The following ZNF568 variants were observed in gnomAD, a reference collection of about 807,000 sequenced individuals.
ZNF568 encodes zinc finger protein 568, also known as p53 inhibitor of SCO2 activation.
ZNF568 carries 11 observed loss-of-function variants against 18.1 expected under a neutral mutation model. The ratio of observed to expected loss-of-function variants is 0.61; its 90% CI spans 0.38 to 1.00. The LOEUF is 1.00. Ranked by LOEUF, ZNF568 falls within the 50% of genes least tolerant of loss-of-function variation. ZNF568 has a pLI of 0.01. For missense variants in ZNF568, 639 were observed against 768.2 expected (o/e 0.83, Z 1.99); for synonymous variants, 213 against 246.6 (o/e 0.86, Z 1.28).
intron 6 of ZNF568, among the ~76,000 whole-genome samples, chr19:36,959,181 G>A (rs2074130170): frequency 6.6e-6 from 1 of 152,066 alleles, no homozygotes; most frequent in Admixed American, 6.6e-5. Flanking sequence ...TTATTCTGAG[G>A]TATGTACCTT....
chr19:36,917,845 C>G (rs1046443551), intron 2 of ZNF568, among the ~76,000 whole-genome samples, 197 bp downstream of exon 2: 7 of 152,174 alleles, frequency 4.6e-5, no homozygotes, highest in South Asian at 2.1e-4. Flanking sequence ...CTTAACAAAA[C>G]TCAACCTTAA....
In ZNF568 at chr19:36,968,628, C is replaced by T. The variant is rs2074212753; in HGVS notation, c.359-5792C>T. Among the ~76,000 whole-genome samples the T allele has an allele frequency of 2.0e-5, 3 of 150,654 alleles. 1 individual carries two copies. The South Asian group carries it at 6.3e-4, about 31-fold the overall frequency. On this transcript the variant is annotated intron_variant, in intron 6 of 7. Coordinates refer to the ZNF568 transcript ENST00000427117. ...CATATGGTCTGAAGTTATCATCCCTCAGGTTACTTACCAATTAAAAAGGGG... is the reference window on the plus strand; with the variant it reads ...CATATGGTCTGAAGTTATCATCCCTTAGGTTACTTACCAATTAAAAAGGGG...
intron 3 of ZNF568, among the ~76,000 whole-genome samples, chr19:36,923,507 A>G (rs530511219): frequency 2.0e-5 from 3 of 151,696 alleles, no homozygotes; most frequent in Non-Finnish European, 4.4e-5. Flanking sequence ...GAAGGAAGTG[A>G]GCATGTTGGA....
At chr19:36,997,232 A>G (rs535249135) in exon 5 of ZNF568, 3 of 1,609,046 alleles carry the variant, frequency 1.9e-6, no homozygotes, top group African/African-American at 1.3e-5. Flanking sequence ...GAATGTGGGA[A>G]AGCCTTTATC....
chr19:36,975,840 C>T (rs10420554), intron 7 of ZNF568, among the ~76,000 whole-genome samples: 50,375 of 150,878 alleles, frequency 0.33, 8,629 homozygotes, highest in Non-Finnish European at 0.36. Context: ...GGATTACAGG[C>T]GTGCGCCACC....
chr19:36,957,273 C>T (rs1428770803), downstream of ZNF568, among the ~76,000 whole-genome samples: 2 of 135,922 alleles, frequency 1.5e-5, no homozygotes, highest in East Asian at 4.2e-4. Context: ...GCTCTGTCGC[C>T]CAGGCTGGAG....
At chr19:36,967,873 C>T (rs920066496) in intron 6 of ZNF568, among the ~76,000 whole-genome samples, 6 of 152,196 alleles carry the variant, frequency 3.9e-5, no homozygotes, top group Non-Finnish European at 8.8e-5. Flanking sequence ...TCTCATCTTT[C>T]TCTACAAGAT....
chr19:36,947,913 C>T (rs550298512), intron 6 of ZNF568, among the ~76,000 whole-genome samples: 1 of 152,340 alleles, frequency 6.6e-6, no homozygotes, highest in South Asian at 2.1e-4. Flanking sequence ...CAGCCTTCCC[C>T]ACTGTCAACA....
intron 6 of ZNF568, among the ~76,000 whole-genome samples, chr19:36,958,608 T>TTTTCTTTC (rs199884517): frequency 5.4e-5 from 6 of 111,490 alleles, no homozygotes; most frequent in Non-Finnish European, 9.4e-5. Flanking sequence ...TCTTTTTTCT[T>TTTTCTTTC]TTTCTTTCTT....
At chr19:36,985,626 G>A (rs915233161) in intron 2 of ZNF568, among the ~76,000 whole-genome samples, 2 of 152,074 alleles carry the variant, frequency 1.3e-5, no homozygotes, top group Non-Finnish European at 2.9e-5. Flanking sequence ...AGGTTCAAGC[G>A]ATTCTTGTTT....
intron 6 of ZNF568, among the ~76,000 whole-genome samples, chr19:36,949,002 A>G (rs1373267897): frequency 6.6e-6 from 1 of 151,990 alleles, no homozygotes; most frequent in Non-Finnish European, 1.5e-5. Flanking sequence ...AATGCTTCTC[A>G]TCCTGCAGTA....
chr19:36,933,877 C>G (rs2073730940), intron 4 of ZNF568, among the ~76,000 whole-genome samples: 1 of 137,704 alleles, frequency 7.3e-6, no homozygotes, highest in Admixed American at 7.2e-5. Flanking sequence ...GCCATCTAGG[C>G]CTGAGTTTTT....
At chr19:36,929,259 C>T (rs188812240) in intron 4 of ZNF568, among the ~76,000 whole-genome samples, 6 of 152,166 alleles carry the variant, frequency 3.9e-5, no homozygotes, top group African/African-American at 1.2e-4. Context: ...GTGAAGAAAG[C>T]GAGGCATGGT....
chr19:36,920,726 A>G (rs497130), intron 2 of ZNF568, among the ~76,000 whole-genome samples: 86,700 of 151,972 alleles, frequency 0.57, 25,621 homozygotes, highest in African/African-American at 0.7. Flanking sequence ...GTGTAGCCTA[A>G]GTGTACAGTG....
chr19:36,932,208 T>TTGTA (rs1157503739), intron 4 of ZNF568, among the ~76,000 whole-genome samples: 2 of 152,250 alleles, frequency 1.3e-5, no homozygotes, highest in Non-Finnish European at 2.9e-5. Flanking sequence ...TTTTATGTGG[T>TTGTA]CATATGTTTT....
intron 2 of ZNF568, among the ~76,000 whole-genome samples, chr19:36,918,461 ATTG>A (rs2146261605): frequency 6.6e-6 from 1 of 152,164 alleles, no homozygotes; most frequent in Non-Finnish European, 1.5e-5. Flanking sequence ...GTTACACGTT[ATTG>A]TTTAGGGAAT....
At chr19:36,953,953 G>A (rs1488331611), downstream of ZNF568, among the ~76,000 whole-genome samples, 1 of 152,122 alleles carries the variant, frequency 6.6e-6, no homozygotes, top group East Asian at 1.9e-4. Flanking sequence ...GCTGGGTGTG[G>A]TGGCTCACGC....
At chr19:36,921,377 C>T (rs983184478) in intron 2 of ZNF568, among the ~76,000 whole-genome samples, 3 of 151,958 alleles carry the variant, frequency 2.0e-5, no homozygotes, top group African/African-American at 4.8e-5. Context: ...AGGAGAATCA[C>T]TTAAACCCAG....
chr19:36,997,704 A>T (rs2074492154), downstream of ZNF568: 2 of 862,240 alleles, frequency 2.3e-6, no homozygotes, highest in African/African-American at 1.7e-5. Context: ...TTCATTCAGG[A>T]CAGAGGAGTG....
Sources: allele counts gnomAD v4.1 joint callset (sites outside exome capture counted in the v4.1 genomes callset), GRCh38; gene constraint gnomAD v4.1.1; transcripts MANE v1.5; gene names NCBI Gene and HGNC (gene_info 2026-07-23, HGNC 2026-07-21).